DSCAM: variants seen among roughly 807,000 people sequenced by gnomAD.
DSCAM encodes DS cell adhesion molecule, also known as cell adhesion molecule DSCAM.
A neutral mutation model predicts 217.7 loss-of-function variants in DSCAM; 47 were observed. The ratio of observed to expected loss-of-function variants is 0.22; its 90% CI spans 0.17 to 0.28. DSCAM has a LOEUF of 0.28. Ranked by LOEUF, DSCAM falls within the 10% of genes least tolerant of loss-of-function variation. The pLI is 1.00. For missense variants in DSCAM, 2,080 were observed against 2,618.3 expected, an observed-to-expected ratio of 0.79 and a Z score of 4.49; for synonymous variants, 1,056 against 1,015.3, an observed-to-expected ratio of 1.04 and a Z score of -0.76.
chr21:40,832,662 C>T (rs1223061036), intron 1 of DSCAM, among the ~76,000 whole-genome samples: 1 of 152,144 alleles, frequency 6.6e-6, no homozygotes, highest in Non-Finnish European at 1.5e-5. Context: ...AAAAACTGCA[C>T]ATATTCTACA....
rs902494368 is a variant in DSCAM at position 40,411,175 on chromosome 21, TACACACACACACACACACACAC to T, written c.509-41952_509-41931del. 5.7e-3 allele frequency among the ~76,000 whole-genome samples: 259 copies of T among 45,138 alleles called. No homozygotes were observed. The East Asian group carries it at 0.09, about 16-fold the overall frequency. 29.6% of individuals were successfully genotyped at this position (45,138 alleles called of 152,430 possible). On this transcript the variant is annotated intron_variant, in intron 3 of 32. Transcript: ENST00000400454. ...TACTTGAAGATAGACAGTAATTATA[TACACACACACACACACACACAC>T]ACACACACACACACACACACACACA...
intron 11 of DSCAM, among the ~76,000 whole-genome samples, chr21:40,249,412 G>A (rs903407026): frequency 4.6e-5 from 7 of 152,010 alleles, no homozygotes; most frequent in African/African-American, 4.8e-5. Context: ...TTCTCTTGCC[G>A]CTGCCATGTA....
At chr21:40,127,836 C>T (rs1245350630) in intron 19 of DSCAM, among the ~76,000 whole-genome samples, 3 of 152,134 alleles carry the variant, frequency 2.0e-5, no homozygotes, top group African/African-American at 7.2e-5. Flanking sequence ...GGGCTCTCCC[C>T]CTGATCTGAT....
In DSCAM at chr21:40,328,652, A is replaced by G. The variant is rs181769517; in HGVS notation, c.1783+9449T>C. On this transcript the variant is annotated intron_variant, in intron 8 of 32. Transcript: ENST00000400454. ...ACAATGGGATTACATCAAACTAAAA[A>G]AACTTCTGCACAGCAAAGGAATCAA... is the stretch of plus-strand genomic sequence containing the variant. Among the ~76,000 whole-genome samples, 5 of 152,322 alleles carry G rather than the reference A, an allele frequency of 3.3e-5. No homozygotes were observed. In the East Asian group the frequency reaches 9.7e-4, roughly 29 times the overall value.
chr21:40,357,648 A>G (rs2074709325), intron 4 of DSCAM, among the ~76,000 whole-genome samples: 1 of 152,096 alleles, frequency 6.6e-6, no homozygotes, highest in African/African-American at 2.4e-5. Flanking sequence ...CTCTGTCTTC[A>G]TTTAATTAAG....
Position 40,430,269 on chromosome 21 carries a change from T to C in DSCAM, c.509-61024A>G, listed in dbSNP as rs1227790086. Among the ~76,000 whole-genome samples, 8 of 152,290 alleles carry C rather than the reference T, an allele frequency of 5.3e-5. No individual in the cohort carries two copies. In the South Asian group the frequency reaches 1.2e-3, roughly 24 times the overall value. On this transcript the variant is annotated intron_variant, in intron 3 of 32. Coordinates refer to ENST00000400454, the MANE Select transcript of DSCAM (RefSeq NM_001389.5). Reference sequence around the variant, plus strand: ...TGGTTAATACTGAGTGTCAACTTGATTGGATTGAAGGATACAAAGTATTGA... The same window carrying C: ...TGGTTAATACTGAGTGTCAACTTGACTGGATTGAAGGATACAAAGTATTGA...
chr21:40,214,748 A>AC lies in DSCAM; in HGVS notation c.2357-25511_2357-25510insG, dbSNP rs955573393. 6.3e-4 allele frequency among the ~76,000 whole-genome samples: 95 copies of AC among 151,232 alleles called. 2 individuals carry two copies. Among genetic ancestry groups the AC allele is most frequent in the African/African-American group, 1.8e-3 (76 of 41,184 alleles). On this transcript the variant is annotated intron_variant, in intron 11 of 32. Transcript: ENST00000400454. ...AAGCAACAACAGCAAAAAAAAAAAAAAAAACAAAACAAAAAACAACAAGAA... is the reference window on the plus strand; with the variant it reads ...AAGCAACAACAGCAAAAAAAAAAAAACAAAACAAAACAAAAAACAACAAGAA...
intron 11 of DSCAM, among the ~76,000 whole-genome samples, chr21:40,207,170 T>C (rs2091135219): frequency 6.6e-6 from 1 of 152,130 alleles, no homozygotes; most frequent in South Asian, 2.1e-4. Flanking sequence ...ATAACATAAA[T>C]TTATAAATAC....
intron 3 of DSCAM, among the ~76,000 whole-genome samples, chr21:40,603,925 CTTTT>C (rs3070814): frequency 1.2e-3 from 117 of 97,298 alleles, no homozygotes; most frequent in South Asian, 1.7e-3. Flanking sequence ...TTTTGCATTT[CTTTT>C]TTTTTTTTTT....
chr21:40,409,830 C>G (rs542625310), intron 3 of DSCAM, among the ~76,000 whole-genome samples: 113 of 152,278 alleles, frequency 7.4e-4, no homozygotes, highest in African/African-American at 2.6e-3. Context: ...TTGATGGAAT[C>G]ATATTGAGGC....
rs770605172 is a variant in DSCAM at position 40,042,357 on chromosome 21, C to G, written c.5686+14G>C. 1 of 1,610,534 alleles carries G rather than the reference C, an allele frequency of 6.2e-7. No homozygotes were observed. Among genetic ancestry groups the G allele is most frequent in the Non-Finnish European group, 8.5e-7 (1 of 1,177,948 alleles). On this transcript the variant is annotated intron_variant, in intron 32 of 32. Transcript: ENST00000400454. ...TCCCTAAGCGACGGCCCCCAGGTGG[C>G]CTTGCTCACCTACCTGGCCGATGTG...
chr21:40,823,803 T>A (rs142154566), intron 1 of DSCAM, among the ~76,000 whole-genome samples: 2,413 of 152,276 alleles, frequency 0.016, 35 homozygotes, highest in Middle Eastern at 0.02. Flanking sequence ...TGCCCTCTGA[T>A]CCATACATAT....
At chr21:40,336,259 G>A (rs961225120) in intron 8 of DSCAM, among the ~76,000 whole-genome samples, 20 of 152,102 alleles carry the variant, frequency 1.3e-4, no homozygotes, top group Non-Finnish European at 2.9e-4. Flanking sequence ...CGATGGTTAT[G>A]CGGTCTTTTC....
At chr21:40,693,280 C>CA (rs946150116) in intron 2 of DSCAM, among the ~76,000 whole-genome samples, 2 of 151,938 alleles carry the variant, frequency 1.3e-5, no homozygotes, top group African/African-American at 4.8e-5. Flanking sequence ...ACTAAAAATA[C>CA]AAAAAAATTG....
intron 8 of DSCAM, among the ~76,000 whole-genome samples, chr21:40,322,290 C>T (rs1569062722): frequency 6.6e-6 from 1 of 152,096 alleles, no homozygotes. Flanking sequence ...AGTGACCATC[C>T]TATTATTACT....
At chr21:40,571,001 C>A (rs1320233293) in intron 3 of DSCAM, among the ~76,000 whole-genome samples, 1 of 151,956 alleles carries the variant, frequency 6.6e-6, no homozygotes, top group African/African-American at 2.4e-5. Context: ...CAGCAAGGTA[C>A]ATACCCAAGA....
chr21:40,260,221 ATG>A (rs1362139150), intron 11 of DSCAM, among the ~76,000 whole-genome samples: 1 of 152,196 alleles, frequency 6.6e-6, no homozygotes, highest in Non-Finnish European at 1.5e-5. Flanking sequence ...CACCTCTGTA[ATG>A]TGTCTTACAA....
chr21:40,763,662 G>A (rs1030900281), intron 1 of DSCAM, among the ~76,000 whole-genome samples: 5 of 152,152 alleles, frequency 3.3e-5, no homozygotes, highest in African/African-American at 1.2e-4. Context: ...AAAGAACAAA[G>A]CTGGAGGCAT....
chr21:40,305,702 C>T (rs1310292635), intron 9 of DSCAM, among the ~76,000 whole-genome samples: 1 of 148,454 alleles, frequency 6.7e-6, no homozygotes, highest in Non-Finnish European at 1.5e-5. Flanking sequence ...ATAGGGAATC[C>T]TTTCCCCATT....
Sources: gnomAD v4.1 joint callset for allele counts (sites outside exome capture counted in the v4.1 genomes callset) on GRCh38, gnomAD v4.1.1 for gene constraint, MANE v1.5 for transcripts, NCBI Gene and HGNC (gene_info 2026-07-23, HGNC 2026-07-21) for gene names.